The following SRRM3 variants were observed in gnomAD, a reference collection of about 807,000 sequenced individuals.
SRRM3 encodes the protein serine/arginine repetitive matrix 3.
Under a neutral mutation model 66.2 loss-of-function variants are expected in SRRM3, and 27 were observed. The observed-to-expected ratio is 0.41, with a 90% confidence interval of 0.30 to 0.56. The LOEUF (loss-of-function observed/expected upper bound fraction) is 0.56. SRRM3 is among the 20% of genes least tolerant of loss of function. The pLI is 0.32. For synonymous variants in SRRM3, 391 were observed against 414.9 expected (o/e 0.94, Z 0.70); for missense variants, 918 against 991.9 (o/e 0.93, Z 1.00).
At chr7:76,211,840 T>TTAG (rs1252027187) in intron 1 of SRRM3, among the ~76,000 whole-genome samples, 71 of 144,162 alleles carry the variant, frequency 4.9e-4, no homozygotes, top group Non-Finnish European at 9.1e-4. Flanking sequence ...ATTATTATTA[T>TTAG]TATTATTATT....
At position 76,285,573 on chromosome 7, in the gene SRRM3, G is replaced by A. The variant is rs868976532; in HGVS notation, c.1734-42G>A. On this transcript the variant is annotated intron_variant, in intron 14 of 14. Coordinates refer to ENST00000611745, the MANE Select transcript of SRRM3 (RefSeq NM_001110199.3). The surrounding 1 kb of genome is among the most constrained non-coding windows in gnomAD (Gnocchi z 4.1). ...CCTGGCCGCTGCTGGGATGGGGCTCGGGGCCTGGGATGGCCTGTAATCAGC... is the reference window on the plus strand; with the variant it reads ...CCTGGCCGCTGCTGGGATGGGGCTCAGGGCCTGGGATGGCCTGTAATCAGC... The A allele has an allele frequency of 6.6e-6, 10 of 1,506,826 alleles. No homozygotes were observed. Among genetic ancestry groups the A allele is most frequent in the Middle Eastern group, 2.3e-4 (1 of 4,296 alleles). The allele number at this position is 1,506,826 out of a possible 1,614,324, so 93.3% of individuals were successfully genotyped here. A position where few individuals can be genotyped will look rare whatever the true frequency, so the allele number is the denominator to read the frequency against.
At chr7:76,274,497 T>C (rs749900578) in intron 11 of SRRM3, among the ~76,000 whole-genome samples, 11 of 152,232 alleles carry the variant, frequency 7.2e-5, no homozygotes, top group Non-Finnish European at 1.2e-4. Flanking sequence ...GTAATTTACC[T>C]GCCCGCTGCC....
intron 1 of SRRM3, among the ~76,000 whole-genome samples, chr7:76,203,306 T>A (rs112776035): frequency 7.9e-5 from 12 of 152,064 alleles, no homozygotes; most frequent in African/African-American, 1.4e-4. Flanking sequence ...GGGTTGGGAG[T>A]CATGGACTCT....
chr7:76,236,005 CAA>C (rs1161706465), intron 2 of SRRM3, among the ~76,000 whole-genome samples: 354 of 20,228 alleles, frequency 0.018, no homozygotes, highest in African/African-American at 0.053. Context: ...GATTCTGTCT[CAA>C]AAAAAAAAAA....
chr7:76,274,995 A>T (rs1802305339), intron 11 of SRRM3, among the ~76,000 whole-genome samples: 1 of 151,990 alleles, frequency 6.6e-6, no homozygotes, highest in South Asian at 2.1e-4. Context: ...AATCCCAGCT[A>T]CTTGGGAGGC....
intron 3 of SRRM3, among the ~76,000 whole-genome samples, chr7:76,250,269 T>C (rs556890772): frequency 2.4e-4 from 36 of 152,128 alleles, no homozygotes; most frequent in Admixed American, 9.2e-4. Flanking sequence ...TTTGCTCTTA[T>C]CACTCAGGCT....
chr7:76,257,363 C>T (rs1305356319), intron 3 of SRRM3, among the ~76,000 whole-genome samples: 1 of 150,758 alleles, frequency 6.6e-6, no homozygotes, highest in East Asian at 1.9e-4. Flanking sequence ...CTGTCTGAGC[C>T]AGCTTGGATA....
chr7:76,282,961 C>T lies in SRRM3; in HGVS notation c.1596-3C>T. ...GCTCACTTACCTCGCGCCGGCCCCGCAGGGACAAGGACGGCGAGGGCCGCG... is the reference window on the plus strand; with the variant it reads ...GCTCACTTACCTCGCGCCGGCCCCGTAGGGACAAGGACGGCGAGGGCCGCG... On this transcript the variant is annotated splice_polypyrimidine_tract_variant and splice_region_variant and intron_variant, in intron 13 of 14. Coordinates refer to ENST00000611745, the MANE Select transcript of SRRM3 (RefSeq NM_001110199.3). 8 of 1,358,892 alleles carry T rather than the reference C, an allele frequency of 5.9e-6. No homozygotes were observed. The highest frequency in any genetic ancestry group is 7.5e-6 in the Non-Finnish European group (8 of 1,060,384). The allele number at this position is 1,358,892 out of a possible 1,614,324, so 84.2% of individuals were successfully genotyped here.
At chr7:76,253,629 TAA>T (rs1452907390) in intron 3 of SRRM3, among the ~76,000 whole-genome samples, 4 of 147,332 alleles carry the variant, frequency 2.7e-5, no homozygotes, top group Admixed American at 1.4e-4. Flanking sequence ...TCAAAAAAAT[TAA>T]AAAAATAAAA....
chr7:76,204,661 A>G (rs1282048115), intron 1 of SRRM3, among the ~76,000 whole-genome samples: 2 of 151,992 alleles, frequency 1.3e-5, no homozygotes, highest in Non-Finnish European at 2.9e-5. Context: ...CAACTGAAGG[A>G]CTCTTGAACA....
At position 76,260,200 on chromosome 7, in the gene SRRM3, G is replaced by T; in HGVS notation, c.545+3G>T. On this transcript the variant is annotated splice_donor_region_variant and intron_variant, in intron 5 of 14. Transcript: ENST00000611745. ...AAAGGCGGCCACCGGAGAAGCCGGTGAGAACCGCGCCTGACCGGAGCGGGA... is the reference window on the plus strand; with the variant it reads ...AAAGGCGGCCACCGGAGAAGCCGGTTAGAACCGCGCCTGACCGGAGCGGGA... The T allele has an allele frequency of 2.6e-6, 4 of 1,536,486 alleles. No homozygotes were observed. The highest frequency in any genetic ancestry group is 3.5e-6 in the Non-Finnish European group (4 of 1,142,996).
intron 3 of SRRM3, among the ~76,000 whole-genome samples, chr7:76,248,509 A>C (rs556673930): frequency 3.4e-4 from 52 of 152,064 alleles, no homozygotes; most frequent in African/African-American, 1.2e-3. Flanking sequence ...GCCTCCTCCT[A>C]CCCTCCCTGG....
chr7:76,261,722 G>A (rs1218430174), intron 8 of SRRM3, 141 bp downstream of exon 8: 13 of 946,148 alleles, frequency 1.4e-5, no homozygotes, highest in East Asian at 2.6e-5. Context: ...GCCAGGCTGC[G>A]GGGACAGGGC....
chr7:76,203,974 G>A (rs1017703255), intron 1 of SRRM3, among the ~76,000 whole-genome samples: 12 of 152,068 alleles, frequency 7.9e-5, no homozygotes, highest in South Asian at 4.1e-4. Context: ...GCCTTGAACC[G>A]GCCAGCGGGG....
At chr7:76,275,730 C>T (rs955741766) in intron 11 of SRRM3, among the ~76,000 whole-genome samples, 1 of 152,048 alleles carries the variant, frequency 6.6e-6, no homozygotes, top group Non-Finnish European at 1.5e-5. Flanking sequence ...GGTGAACACA[C>T]TGCCCCTTGC....
chr7:76,272,962 C>G (rs996841018), intron 11 of SRRM3: 6 of 152,258 alleles, frequency 3.9e-5, no homozygotes, highest in African/African-American at 1.2e-4. Context: ...TCCTCCAGAT[C>G]GGCTCTGTGG....
intron 5 of SRRM3, 55 bp from the exon 6 acceptor site, chr7:76,260,819 G>A (rs1477868426): frequency 1.3e-6 from 2 of 1,545,084 alleles, no homozygotes; most frequent in East Asian, 2.4e-5. Context: ...AGTGTCTGGG[G>A]CCCCAACTAA....
intron 1 of SRRM3, among the ~76,000 whole-genome samples, chr7:76,225,748 C>T (rs1583881396): frequency 6.6e-6 from 1 of 152,138 alleles, no homozygotes; most frequent in East Asian, 1.9e-4. Context: ...ATCTCCAGTG[C>T]CTTTTACGAG....
intron 1 of SRRM3, among the ~76,000 whole-genome samples, chr7:76,202,985 A>C (rs1238488473): frequency 6.6e-6 from 1 of 151,996 alleles, no homozygotes; most frequent in Non-Finnish European, 1.5e-5. Context: ...CTAAGACCTC[A>C]CTCACCCTAG....
Sources: allele counts gnomAD v4.1 joint callset (sites outside exome capture counted in the v4.1 genomes callset), GRCh38; gene constraint gnomAD v4.1.1; non-coding constraint Gnocchi (gnomAD v3.1); transcripts MANE v1.5; gene names NCBI Gene and HGNC (gene_info 2026-07-23, HGNC 2026-07-21).